The following NAV3 variants were observed in gnomAD, a reference collection of about 807,000 sequenced individuals.
The protein encoded by NAV3 is pore membrane and/or filament interacting like protein 1.
A neutral mutation model predicts 244.7 loss-of-function variants in NAV3; 87 were observed. The observed-to-expected ratio is 0.36, with a 90% CI of 0.30 to 0.42. NAV3 has a LOEUF of 0.42. Ranked by LOEUF, NAV3 falls within the 20% of genes least tolerant of loss-of-function variation. The pLI is 1.00. For missense variants in NAV3, 2,663 were observed against 2,893.3 expected, an observed-to-expected ratio of 0.92 and a Z score of 1.83; for synonymous variants, 1,126 against 1,042.2, an observed-to-expected ratio of 1.08 and a Z score of -1.55.
In NAV3 at chr12:77,953,203, G is replaced by C. The variant is rs186049831; in HGVS notation, c.414+12070G>C. Among the ~76,000 whole-genome samples, 276 of 152,170 alleles carry C rather than the reference G, an allele frequency of 1.8e-3. 3 individuals carry two copies. Among genetic ancestry groups the C allele is most frequent in the African/African-American group, 6.4e-3 (264 of 41,530 alleles). Reference sequence around the variant, plus strand: ...TCAAGTAAATTAAAGAAGAATAGCAGGGTTTTGAACAAAATATTTTATCTG... The same window carrying C: ...TCAAGTAAATTAAAGAAGAATAGCACGGTTTTGAACAAAATATTTTATCTG... On this transcript the variant is annotated intron_variant, in intron 3 of 39. Transcript: ENST00000397909.
chr12:77,695,892 T>C (rs891430883), intron 2 of NAV3, among the ~76,000 whole-genome samples: 1 of 152,134 alleles, frequency 6.6e-6, no homozygotes, highest in Non-Finnish European at 1.5e-5. Context: ...CCATGGCCCA[T>C]ATTTTCTACC....
chr12:78,051,574 A>G (rs1882770069), intron 11 of NAV3, among the ~76,000 whole-genome samples: 1 of 152,104 alleles, frequency 6.6e-6, no homozygotes, highest in African/African-American at 2.4e-5. Flanking sequence ...TCAATTATGC[A>G]TCCCCAATTT....
intron 3 of NAV3, among the ~76,000 whole-genome samples, chr12:77,942,516 T>C (rs1593066206): frequency 6.6e-6 from 1 of 152,324 alleles, no homozygotes; most frequent in African/African-American, 2.4e-5. Flanking sequence ...AGGATTTCTA[T>C]ACAATCCTTC....
intron 2 of NAV3, among the ~76,000 whole-genome samples, chr12:77,577,258 C>G (rs538405531): frequency 1.1e-3 from 172 of 152,230 alleles, no homozygotes; most frequent in African/African-American, 4.0e-3. Context: ...TTTTATCTGG[C>G]ATCCTCTAAG....
chr12:78,024,570 A>G (rs1247073326), intron 9 of NAV3, among the ~76,000 whole-genome samples: 2 of 151,998 alleles, frequency 1.3e-5, no homozygotes, highest in Non-Finnish European at 2.9e-5. Context: ...CTTAATACCT[A>G]TTTACTCTGC....
At chr12:77,893,753 C>T (rs963824867) in intron 1 of NAV3, among the ~76,000 whole-genome samples, 1 of 152,168 alleles carries the variant, frequency 6.6e-6, no homozygotes, top group Non-Finnish European at 1.5e-5. Flanking sequence ...ACTACAGCAA[C>T]TTCCATGTAG....
intron 5 of NAV3, among the ~76,000 whole-genome samples, chr12:77,970,585 T>C (rs1593156371): frequency 6.6e-6 from 1 of 152,122 alleles, no homozygotes; most frequent in Admixed American, 6.5e-5. Context: ...TATGAAGTGA[T>C]GGGGGATATT....
chr12:77,692,867 A>G (rs1376968033), intron 2 of NAV3, among the ~76,000 whole-genome samples: 1 of 152,204 alleles, frequency 6.6e-6, no homozygotes, highest in African/African-American at 2.4e-5. Context: ...AAAGCTGTGG[A>G]ATAGAATAAT....
At chr12:77,664,166 A>C (rs1873606833) in intron 2 of NAV3, among the ~76,000 whole-genome samples, 1 of 152,182 alleles carries the variant, frequency 6.6e-6, no homozygotes, top group Non-Finnish European at 1.5e-5. Context: ...ACTTACATGA[A>C]ATAGCTAATA....
At chr12:77,640,194 A>T (rs1297891713) in intron 2 of NAV3, among the ~76,000 whole-genome samples, 1 of 152,120 alleles carries the variant, frequency 6.6e-6, no homozygotes, top group African/African-American at 2.4e-5. Context: ...GTGTACTGTA[A>T]AAAAGAAATG....
chr12:77,742,839 C>G (rs1868363511), intron 2 of NAV3, among the ~76,000 whole-genome samples: 1 of 151,924 alleles, frequency 6.6e-6, no homozygotes, highest in African/African-American at 2.4e-5. Context: ...TCACGTGACC[C>G]TGAGCCATTC....
At chr12:78,112,874 C>A (rs938534763) in intron 12 of NAV3, among the ~76,000 whole-genome samples, 4 of 152,156 alleles carry the variant, frequency 2.6e-5, no homozygotes, top group African/African-American at 9.7e-5. Flanking sequence ...CAAGGCAAGT[C>A]CCTTCTGCCT....
intron 8 of NAV3, among the ~76,000 whole-genome samples, chr12:78,018,000 A>T (rs1345151341): frequency 3.9e-5 from 6 of 152,170 alleles, no homozygotes; most frequent in Admixed American, 3.3e-4. Context: ...TCCCATTTCC[A>T]TGTGAATATA....
chr12:78,064,395 G>GTGCC (rs529560899), intron 12 of NAV3, among the ~76,000 whole-genome samples: 2,521 of 140,034 alleles, frequency 0.018, 134 homozygotes, highest in Admixed American at 0.12. Flanking sequence ...CTATCTATCT[G>GTGCC]TGTCTGTCTG....
intron 1 of NAV3, among the ~76,000 whole-genome samples, chr12:77,838,597 T>C (rs1875074635): frequency 6.6e-6 from 1 of 152,180 alleles, no homozygotes; most frequent in Non-Finnish European, 1.5e-5. Context: ...TTTCTTTCCT[T>C]TAATAAAAAC....
intron 2 of NAV3, among the ~76,000 whole-genome samples, chr12:77,614,322 G>A (rs2136835603): frequency 6.6e-6 from 1 of 151,990 alleles, no homozygotes; most frequent in Admixed American, 6.6e-5. Flanking sequence ...TTTAAGGAAA[G>A]GAAGCCTGGG....
At position 78,184,070 on chromosome 12, in the gene NAV3, G is replaced by T. The variant is rs139647690; in HGVS notation, c.5693-1531G>T. Among the ~76,000 whole-genome samples, 3 of 151,990 alleles carry T rather than the reference G, an allele frequency of 2.0e-5. No individual in the cohort carries two copies. In the East Asian group the frequency reaches 5.8e-4, roughly 29 times the overall value. On this transcript the variant is annotated intron_variant, in intron 30 of 39. Coordinates refer to ENST00000397909, the MANE Select transcript of NAV3 (RefSeq NM_001024383.2). ...TTCCAGGATGACCTATCTATCTAGAGCAGGCTCCCTTCAGTTACTTTCTGT... is the reference window on the plus strand; with the variant it reads ...TTCCAGGATGACCTATCTATCTAGATCAGGCTCCCTTCAGTTACTTTCTGT...
chr12:77,683,874 G>T (rs187709044), intron 2 of NAV3, among the ~76,000 whole-genome samples: 45 of 152,080 alleles, frequency 3.0e-4, no homozygotes, highest in Admixed American at 2.4e-3. Context: ...TTCAGTTTTA[G>T]ATTATTATGA....
intron 6 of NAV3, among the ~76,000 whole-genome samples, chr12:77,997,667 T>C (rs1049480562): frequency 5.3e-5 from 8 of 152,370 alleles, no homozygotes; most frequent in African/African-American, 1.9e-4. Context: ...TCCTCTGTGA[T>C]CAGTTGGCCA....
Sources: gnomAD v4.1 joint callset for allele counts (sites outside exome capture counted in the v4.1 genomes callset) on GRCh38, gnomAD v4.1.1 for gene constraint, MANE v1.5 for transcripts, NCBI Gene and HGNC (gene_info 2026-07-23, HGNC 2026-07-21) for gene names.